Variants in CTNNA3 observed in about 807,000 individuals in gnomAD.
CTNNA3 encodes the protein catenin alpha-3.
A neutral mutation model predicts 95.7 loss-of-function variants in CTNNA3; 76 were observed. The observed-to-expected ratio is 0.79, with a 90% CI of 0.66 to 0.96. The LOEUF is 0.96. Among genes scored for constraint, CTNNA3 ranks in the 40% least tolerant of loss-of-function variants. CTNNA3 has a pLI of 0.00. For missense variants in CTNNA3, 1,191 were observed against 1,089.8 expected (o/e 1.09, Z -1.31); for synonymous variants, 431 against 374.4 (o/e 1.15, Z -1.74).
At chr10:67,153,712 G>C (rs7094396) in intron 7 of CTNNA3, among the ~76,000 whole-genome samples, 96,220 of 152,066 alleles carry the variant, frequency 0.63, 31,647 homozygotes, top group African/African-American at 0.82. Flanking sequence ...TATGTTTTAC[G>C]TTAATTTGCT....
At chr10:67,553,639 C>G (rs1841113117) in intron 3 of CTNNA3, among the ~76,000 whole-genome samples, 1 of 152,112 alleles carries the variant, frequency 6.6e-6, no homozygotes, top group South Asian at 2.1e-4. Context: ...GCAGTCATCA[C>G]TTACACAATG....
intron 9 of CTNNA3, among the ~76,000 whole-genome samples, chr10:66,659,796 C>G (rs1013790762): frequency 5.3e-5 from 8 of 152,104 alleles, no homozygotes. Flanking sequence ...TCTGCCCGAG[C>G]TTTGATCTTA....
At chr10:66,684,526 T>A (rs1397007103) in intron 9 of CTNNA3, among the ~76,000 whole-genome samples, 1 of 152,198 alleles carries the variant, frequency 6.6e-6, no homozygotes, top group Non-Finnish European at 1.5e-5. Flanking sequence ...ATTTCTATAA[T>A]AGGCTTAGTG....
chr10:66,599,856 C>T (rs947716594), intron 10 of CTNNA3, among the ~76,000 whole-genome samples: 1 of 151,952 alleles, frequency 6.6e-6, no homozygotes, highest in Admixed American at 6.6e-5. Context: ...CAAAAATATT[C>T]AATAGCACCT....
intron 5 of CTNNA3, among the ~76,000 whole-genome samples, chr10:67,370,878 T>G (rs1052426849): frequency 1.3e-5 from 2 of 150,584 alleles, no homozygotes; most frequent in Non-Finnish European, 3.0e-5. Context: ...TGTTTTTTTT[T>G]TTTTTTGAGA....
intron 12 of CTNNA3, among the ~76,000 whole-genome samples, chr10:66,331,730 T>C (rs1284783796): frequency 2.0e-5 from 3 of 151,978 alleles, no homozygotes; most frequent in African/African-American, 2.4e-5. Context: ...TGAAGTCAGG[T>C]AGCGTGATGC....
At chr10:67,703,429 G>C (rs1841057327) in intron 1 of CTNNA3, among the ~76,000 whole-genome samples, 1 of 151,982 alleles carries the variant, frequency 6.6e-6, no homozygotes, top group African/African-American at 2.4e-5. Context: ...TATCCACCAT[G>C]ATCAAGTGGG....
chr10:66,341,589 T>G (rs141859999), intron 12 of CTNNA3, among the ~76,000 whole-genome samples: 1 of 151,974 alleles, frequency 6.6e-6, no homozygotes, highest in Non-Finnish European at 1.5e-5. Context: ...CATAGTAAAT[T>G]GTACTTTAGA....
At chr10:66,190,778 G>T (rs1232176656) in intron 13 of CTNNA3, among the ~76,000 whole-genome samples, 1 of 151,944 alleles carries the variant, frequency 6.6e-6, no homozygotes, top group Non-Finnish European at 1.5e-5. Flanking sequence ...GCCCATCATT[G>T]TCTCTCAGTG....
chr10:66,259,460 G>T (rs2090914967), intron 13 of CTNNA3, among the ~76,000 whole-genome samples: 1 of 152,078 alleles, frequency 6.6e-6, no homozygotes, highest in African/African-American at 2.4e-5. Flanking sequence ...AATAAGGAGA[G>T]GAAAGATCAC....
chr10:66,541,768 C>T (rs868225856), intron 10 of CTNNA3, among the ~76,000 whole-genome samples: 4 of 152,134 alleles, frequency 2.6e-5, no homozygotes, highest in Admixed American at 6.5e-5. Flanking sequence ...CCCCTTACTA[C>T]TCAGTGGATT....
chr10:67,550,516 A>C (rs1315958783), intron 3 of CTNNA3, among the ~76,000 whole-genome samples: 1 of 152,122 alleles, frequency 6.6e-6, no homozygotes, highest in Non-Finnish European at 1.5e-5. Flanking sequence ...TAAAGAAAAT[A>C]GGTGAAATAA....
chr10:66,488,138 T>C (rs565293803), intron 11 of CTNNA3, among the ~76,000 whole-genome samples: 5 of 152,332 alleles, frequency 3.3e-5, no homozygotes, highest in South Asian at 2.1e-4. Context: ...AAGTCACTTA[T>C]ACAATCTTTC....
intron 5 of CTNNA3, among the ~76,000 whole-genome samples, chr10:67,465,139 T>C (rs1007092883): frequency 2.8e-5 from 4 of 145,392 alleles, no homozygotes; most frequent in African/African-American, 9.7e-5. Flanking sequence ...AATAAAGTCT[T>C]ATGCATGTGG....
At chr10:66,413,682 G>A (rs746428074) in intron 11 of CTNNA3, among the ~76,000 whole-genome samples, 4 of 152,134 alleles carry the variant, frequency 2.6e-5, no homozygotes, top group Non-Finnish European at 4.4e-5. Flanking sequence ...AATCTCAGGA[G>A]TCTTAATATT....
In CTNNA3 at chr10:67,478,016, T is replaced by A. The variant is rs532676312; in HGVS notation, c.579+43826A>T. On this transcript the variant is annotated intron_variant, in intron 5 of 17. Coordinates refer to ENST00000433211, the MANE Select transcript of CTNNA3 (RefSeq NM_013266.4). Reference sequence around the variant, plus strand: ...AGTCAGAGCTTCTGGAATTGAAAACTTGCTTAAGAAATTTCAAAATACAGT... The same window carrying A: ...AGTCAGAGCTTCTGGAATTGAAAACATGCTTAAGAAATTTCAAAATACAGT... Among the ~76,000 whole-genome samples the A allele has an allele frequency of 2.6e-5, 4 of 152,192 alleles. No individual in the cohort carries two copies. The East Asian group carries it at 7.7e-4, about 29-fold the overall frequency.
intron 15 of CTNNA3, among the ~76,000 whole-genome samples, chr10:66,067,177 G>C (rs2080330829): frequency 6.6e-6 from 1 of 152,104 alleles, no homozygotes; most frequent in Non-Finnish European, 1.5e-5. Context: ...CCCAAAGCTA[G>C]TGATAAAACA....
At chr10:67,655,782 CAAAAAAA>C (rs11291979) in intron 1 of CTNNA3, among the ~76,000 whole-genome samples, 4 of 95,262 alleles carry the variant, frequency 4.2e-5, no homozygotes, top group Non-Finnish European at 9.0e-5. Context: ...GACTCCGTCT[CAAAAAAA>C]AAAAAAAAAA....
At chr10:67,153,877 T>C (rs530811689) in intron 7 of CTNNA3, among the ~76,000 whole-genome samples, 1 of 152,252 alleles carries the variant, frequency 6.6e-6, no homozygotes, top group South Asian at 2.1e-4. Flanking sequence ...ATTTTAGAGT[T>C]TCTTATCAGA....
Sources: allele counts gnomAD v4.1 joint callset (sites outside exome capture counted in the v4.1 genomes callset), GRCh38; gene constraint gnomAD v4.1.1; transcripts MANE v1.5; gene names NCBI Gene and HGNC (gene_info 2026-07-23, HGNC 2026-07-21).